The following LRRC4C variants were observed in gnomAD, a reference collection of about 807,000 sequenced individuals.
LRRC4C encodes leucine-rich repeat-containing protein 4C.
LRRC4C carries 5 observed loss-of-function variants against 33.6 expected under a neutral mutation model. The ratio of observed to expected loss-of-function variants is 0.15; its 90% CI spans 0.08 to 0.31. The LOEUF (loss-of-function observed/expected upper bound fraction) is 0.31, where lower values mean the gene tolerates loss of function less well. LRRC4C is among the 10% of genes least tolerant of loss of function. The probability of loss-of-function intolerance (pLI) is 1.00; values close to 1 mark genes in which losing one functional copy is unlikely to be tolerated. For missense variants in LRRC4C, 560 were observed against 796.7 expected, an observed-to-expected ratio of 0.70 and a Z score of 3.58; for synonymous variants, 329 against 302.0, an observed-to-expected ratio of 1.09 and a Z score of -0.93.
At chr11:40,433,851 G>A (rs1192332726) in intron 3 of LRRC4C, among the ~76,000 whole-genome samples, 1 of 152,076 alleles carries the variant, frequency 6.6e-6, no homozygotes, top group Admixed American at 6.6e-5. Flanking sequence ...GGAGAAGAAA[G>A]CATTTAAAGT....
intron 2 of LRRC4C, among the ~76,000 whole-genome samples, chr11:40,785,435 A>C (rs1255366117): frequency 1.3e-5 from 2 of 152,156 alleles, no homozygotes; most frequent in Non-Finnish European, 2.9e-5. Flanking sequence ...GTATTATTAG[A>C]GGCACTTTTT....
chr11:41,321,191 G>A (rs1224523438), intron 1 of LRRC4C, among the ~76,000 whole-genome samples: 2 of 152,110 alleles, frequency 1.3e-5, no homozygotes, highest in African/African-American at 2.4e-5. Flanking sequence ...TTTATGCCAT[G>A]TAATGTAAAA....
intron 4 of LRRC4C, among the ~76,000 whole-genome samples, chr11:40,266,687 G>A (rs1009162424): frequency 4.6e-5 from 7 of 151,992 alleles, no homozygotes; most frequent in Non-Finnish European, 8.8e-5. Context: ...CTTCGGCATG[G>A]GTATCTTAGG....
In LRRC4C at chr11:40,412,035, T is replaced by A. The variant is rs140644678; in HGVS notation, c.-269-92314A>T. On this transcript the variant is annotated intron_variant, in intron 3 of 6. Coordinates refer to ENST00000528697, the MANE Select transcript of LRRC4C (RefSeq NM_001258419.2). ...CTGATTTTTTCAAATAACATACAGC[T>A]TTTTTTGGGGGGTTATCTGTTAAAA... Among the ~76,000 whole-genome samples, 1,178 of 152,030 alleles carry A rather than the reference T, an allele frequency of 7.7e-3. 14 individuals are homozygous for A. The highest frequency in any genetic ancestry group is 0.027 in the African/African-American group (1,114 of 41,518).
chr11:41,422,150 G>A (rs546329202), intron 1 of LRRC4C, among the ~76,000 whole-genome samples: 31 of 152,108 alleles, frequency 2.0e-4, no homozygotes, highest in African/African-American at 4.8e-4. Flanking sequence ...GGAAGAGGTC[G>A]TGATTAATTG....
chr11:41,117,983 G>A (rs568924270), intron 1 of LRRC4C, among the ~76,000 whole-genome samples: 42 of 152,168 alleles, frequency 2.8e-4, no homozygotes, highest in African/African-American at 9.9e-4. Context: ...AAATGTTAAA[G>A]GTGACTGACC....
intron 3 of LRRC4C, among the ~76,000 whole-genome samples, chr11:40,549,977 G>A (rs982055554): frequency 5.9e-5 from 9 of 152,098 alleles, no homozygotes; most frequent in South Asian, 2.1e-4. Context: ...ATTAAACAGA[G>A]ATGCTATTTT....
intron 3 of LRRC4C, among the ~76,000 whole-genome samples, chr11:40,358,274 C>T (rs1947773202): frequency 6.6e-6 from 1 of 151,932 alleles, no homozygotes; most frequent in South Asian, 2.1e-4. Flanking sequence ...AGCTTCCCTC[C>T]CCAAACTCCT....
chr11:41,408,356 C>G (rs1954321374), intron 1 of LRRC4C, among the ~76,000 whole-genome samples: 1 of 152,066 alleles, frequency 6.6e-6, no homozygotes, highest in African/African-American at 2.4e-5. Flanking sequence ...TTTTTGTGCA[C>G]CTTGAAGAAG....
At chr11:40,821,249 C>T (rs991745765) in intron 2 of LRRC4C, among the ~76,000 whole-genome samples, 4 of 151,684 alleles carry the variant, frequency 2.6e-5, no homozygotes, top group African/African-American at 7.2e-5. Flanking sequence ...CAATACAACT[C>T]TACCAAAATT....
At chr11:41,035,559 C>A (rs114315993) in intron 1 of LRRC4C, among the ~76,000 whole-genome samples, 1 of 152,100 alleles carries the variant, frequency 6.6e-6, no homozygotes, top group Non-Finnish European at 1.5e-5. Flanking sequence ...AGGACATGAT[C>A]GTGTTCCTTT....
chr11:41,330,791 C>G (rs190358655), intron 1 of LRRC4C, among the ~76,000 whole-genome samples: 1 of 151,864 alleles, frequency 6.6e-6, no homozygotes, highest in Admixed American at 6.6e-5. Flanking sequence ...TTAATATATA[C>G]TTTTAATAAG....
intron 4 of LRRC4C, among the ~76,000 whole-genome samples, chr11:40,308,642 A>G (rs1945156137): frequency 1.3e-5 from 2 of 152,116 alleles, no homozygotes; most frequent in African/African-American, 4.8e-5. Context: ...GCCAACCACA[A>G]ACTTTTTTTT....
chr11:41,242,845 G>A (rs539234436), intron 1 of LRRC4C, among the ~76,000 whole-genome samples: 21 of 152,134 alleles, frequency 1.4e-4, no homozygotes, highest in Admixed American at 2.6e-4. Context: ...ATGCTATCCT[G>A]GGTATCTTAA....
rs1164288264 is a variant in LRRC4C, at chr11:40,735,057, T to TG, written c.-406-86780dup. Reference sequence around the variant, plus strand: ...CATCACAATTCCAGGGTCTCTGATCTGGGGAATACAGGACTCAAATCAGTG... The same window carrying TG: ...CATCACAATTCCAGGGTCTCTGATCTGGGGGAATACAGGACTCAAATCAGTG... On this transcript the variant is annotated intron_variant, in intron 2 of 6. Coordinates refer to ENST00000528697, the MANE Select transcript of LRRC4C (RefSeq NM_001258419.2). 3.9e-5 allele frequency among the ~76,000 whole-genome samples: 6 copies of TG among 152,196 alleles called. No homozygotes were observed. The East Asian group carries it at 1.2e-3, about 29-fold the overall frequency.
chr11:40,134,461 A>C (rs1361786343), intron 6 of LRRC4C, among the ~76,000 whole-genome samples: 2 of 152,208 alleles, frequency 1.3e-5, no homozygotes, highest in Non-Finnish European at 2.9e-5. Flanking sequence ...ATAGAAAGGT[A>C]ATGGAGATAT....
At chr11:40,521,453 G>A (rs144412762) in intron 3 of LRRC4C, among the ~76,000 whole-genome samples, 17 of 152,154 alleles carry the variant, frequency 1.1e-4, no homozygotes, top group Admixed American at 2.0e-4. Flanking sequence ...TCACTTATTC[G>A]TTACATTCAT....
intron 5 of LRRC4C, among the ~76,000 whole-genome samples, chr11:40,229,424 C>G (rs991621440): frequency 6.6e-6 from 1 of 152,042 alleles, no homozygotes; most frequent in African/African-American, 2.4e-5. Context: ...AGGTGCATAC[C>G]ACCAGGTCTG....
chr11:41,019,563 A>G (rs1483214471), intron 1 of LRRC4C, among the ~76,000 whole-genome samples: 1 of 152,018 alleles, frequency 6.6e-6, no homozygotes, highest in African/African-American at 2.4e-5. Context: ...CTCAAATGGT[A>G]TTTCTGACTC....
Sources: gnomAD v4.1 joint callset for allele counts (sites outside exome capture counted in the v4.1 genomes callset) on GRCh38, gnomAD v4.1.1 for gene constraint, MANE v1.5 for transcripts, NCBI Gene and HGNC (gene_info 2026-07-23, HGNC 2026-07-21) for gene names.